MAML3: variants seen among roughly 807,000 people sequenced by gnomAD.
The protein encoded by MAML3 is mastermind-like protein 3.
A neutral mutation model predicts 101.9 loss-of-function variants in MAML3; 27 were observed. The observed-to-expected ratio is 0.27, with a 90% CI of 0.20 to 0.37. The LOEUF (loss-of-function observed/expected upper bound fraction) is 0.37. MAML3 is among the 10% of genes least tolerant of loss of function. MAML3 has a pLI of 1.00. For synonymous variants in MAML3, 501 were observed against 555.9 expected, an observed-to-expected ratio of 0.90 and a Z score of 1.39; for missense variants, 1,316 against 1,444.9, an observed-to-expected ratio of 0.91 and a Z score of 1.45.
At chr4:139,907,279 A>G (rs1232479340) in intron 1 of MAML3, among the ~76,000 whole-genome samples, 1 of 152,210 alleles carries the variant, frequency 6.6e-6, no homozygotes, top group African/African-American at 2.4e-5. Context: ...TTCCTCAATT[A>G]TAAAATGAGA....
intron 1 of MAML3, chr4:140,134,015 T>A (rs957193595): frequency 2.4e-6 from 1 of 420,818 alleles, no homozygotes; most frequent in Non-Finnish European, 4.8e-6. Flanking sequence ...TCCATACTCA[T>A]CCCTTCTGCC....
intron 1 of MAML3, among the ~76,000 whole-genome samples, chr4:139,908,170 T>C (rs1732854114): frequency 6.6e-6 from 1 of 152,256 alleles, no homozygotes; most frequent in Non-Finnish European, 1.5e-5. Context: ...GTATAATCTG[T>C]CTAGGTTTAC....
rs1203593609 is a variant in MAML3 at position 139,716,877 on chromosome 4, C to CAA, written c.*2444_*2445dup. 1 of 152,374 alleles carries CAA rather than the reference C, an allele frequency of 6.6e-6. No homozygotes were observed. The highest frequency in any genetic ancestry group is 2.4e-5 in the African/African-American group (1 of 41,358). 9.4% of individuals were successfully genotyped at this position (152,374 alleles called of 1,614,324 possible). ...AAGGAAATAAGCAATGCTCAATGTA[C>CAA]AAAGTAAAAACAGAAAACTAGAAAA... is the stretch of plus-strand genomic sequence containing the variant. On this transcript the variant is annotated 3_prime_UTR_variant, in exon 5 of 5. Coordinates refer to ENST00000509479, the MANE Select transcript of MAML3 (RefSeq NM_018717.5).
intron 1 of MAML3, among the ~76,000 whole-genome samples, chr4:139,943,864 C>CTTTTTTTTT (rs10644498): frequency 2.9e-4 from 19 of 65,860 alleles, no homozygotes; most frequent in African/African-American, 8.2e-4. Flanking sequence ...CTAAAGACAA[C>CTTTTTTTTT]TTTTTTTTTT....
At chr4:139,893,058 A>G (rs1271650091) in intron 1 of MAML3, among the ~76,000 whole-genome samples, 1 of 151,164 alleles carries the variant, frequency 6.6e-6, no homozygotes, top group Non-Finnish European at 1.5e-5. Context: ...CTTACCCTAC[A>G]TTTTCCATAA....
chr4:139,766,139 A>G (rs562236281), intron 2 of MAML3, among the ~76,000 whole-genome samples: 1 of 134,956 alleles, frequency 7.4e-6, no homozygotes, highest in Admixed American at 8.6e-5. Flanking sequence ...TTCGTAAGGC[A>G]CTACTCAGTT....
At chr4:140,151,201 A>AAGGGAGGAGGAAGGGGAG (rs1439459736) in intron 1 of MAML3, among the ~76,000 whole-genome samples, 1 of 151,370 alleles carries the variant, frequency 6.6e-6, no homozygotes, top group East Asian at 1.9e-4. Flanking sequence ...GAGGAGGAGG[A>AAGGGAGGAGGAAGGGGAG]AGGGAGGAGG....
intron 2 of MAML3, among the ~76,000 whole-genome samples, chr4:139,851,360 ACT>A (rs1731546157): frequency 6.6e-6 from 1 of 152,068 alleles, no homozygotes. Context: ...GCCTTTTAAG[ACT>A]CTTCAGAGGA....
intron 1 of MAML3, among the ~76,000 whole-genome samples, chr4:140,035,624 G>A (rs1051796225): frequency 6.6e-6 from 1 of 151,656 alleles, no homozygotes; most frequent in Non-Finnish European, 1.5e-5. Context: ...GTGAAAACCC[G>A]TCTACTAAAA....
intron 1 of MAML3, among the ~76,000 whole-genome samples, chr4:140,119,673 G>A (rs1728573837): frequency 8.3e-6 from 1 of 120,624 alleles, no homozygotes; most frequent in Admixed American, 1.1e-4. Flanking sequence ...AGGCTATACA[G>A]CACGGTGGCA....
At chr4:139,727,984 G>A (rs1300523170) in intron 3 of MAML3, among the ~76,000 whole-genome samples, 4 of 152,208 alleles carry the variant, frequency 2.6e-5, no homozygotes, top group Non-Finnish European at 4.4e-5. Context: ...GGGAGGCCGA[G>A]GCAGGCAGAT....
Position 140,089,479 on chromosome 4 carries a change from C to T in MAML3, c.468+63381G>A, listed in dbSNP as rs144721441. ...GGCAAGTCACTTCACCCTAGGATGT[C>T]TCTGTTTCTTCACCTGGGAAATGAG... On this transcript the variant is annotated intron_variant, in intron 1 of 4. Coordinates refer to ENST00000509479, the MANE Select transcript of MAML3 (RefSeq NM_018717.5). Among the ~76,000 whole-genome samples the T allele has an allele frequency of 5.5e-4, 84 of 152,298 alleles. No individual in the cohort carries two copies. The East Asian group carries it at 0.013, about 24-fold the overall frequency.
chr4:139,888,776 A>C (rs1732391757), intron 2 of MAML3, among the ~76,000 whole-genome samples: 1 of 152,256 alleles, frequency 6.6e-6, no homozygotes, highest in South Asian at 2.1e-4. Context: ...CCAGCTTCTA[A>C]CTGTTGCTAG....
At position 140,153,522 on chromosome 4, in the gene MAML3, T is replaced by G. The variant is rs1008987242; in HGVS notation, c.-195A>C. 3.5e-6 allele frequency: 2 copies of G among 574,482 alleles called. No homozygotes were observed. The highest frequency in any genetic ancestry group is 2.6e-5 in the South Asian group (1 of 38,280). 35.6% of individuals were successfully genotyped at this position (574,482 alleles called of 1,614,324 possible). On this transcript the variant is annotated 5_prime_UTR_variant, in exon 1 of 5. Coordinates refer to ENST00000509479, the MANE Select transcript of MAML3 (RefSeq NM_018717.5). ...TGGGGTGGTTTTTGTTTCCTTTTTTTAAACTGTAAAAGCTCAAGGGGAAGA... is the reference window on the plus strand; with the variant it reads ...TGGGGTGGTTTTTGTTTCCTTTTTTGAAACTGTAAAAGCTCAAGGGGAAGA...
chr4:139,850,701 C>T (rs982659657), intron 2 of MAML3, among the ~76,000 whole-genome samples: 3 of 151,810 alleles, frequency 2.0e-5, no homozygotes, highest in South Asian at 2.1e-4. Context: ...CCACGAAGCC[C>T]GGCTAATTTT....
At chr4:139,930,096 G>C (rs1412950326) in intron 1 of MAML3, among the ~76,000 whole-genome samples, 1 of 152,062 alleles carries the variant, frequency 6.6e-6, no homozygotes, top group East Asian at 1.9e-4. Flanking sequence ...CTGCTACAAC[G>C]GTTCCTAAAA....
intron 1 of MAML3, among the ~76,000 whole-genome samples, chr4:140,092,062 TTATATATATATACGTATATATATACGTA>T (rs36226951): frequency 0.31 from 43,131 of 138,986 alleles, 7,639 homozygotes; most frequent in Non-Finnish European, 0.4. Flanking sequence ...GATAAAAACT[TTATATATATATACGTATATATATACGTA>T]TATATATATA....
At position 139,723,922 on chromosome 4, in the gene MAML3, T is replaced by C. The variant is rs74501210; in HGVS notation, c.2416+1829A>G. 1.8e-3 allele frequency among the ~76,000 whole-genome samples: 280 copies of C among 152,356 alleles called. 2 individuals are homozygous for C. The East Asian group carries it at 0.039, about 21-fold the overall frequency. On this transcript the variant is annotated intron_variant, in intron 4 of 4. Coordinates refer to ENST00000509479, the MANE Select transcript of MAML3 (RefSeq NM_018717.5). ...TTTACTGAATCAGAAACACTGTGTATGTTTTAACAAGCTCCGCTGGTGCTT... is the reference window on the plus strand; with the variant it reads ...TTTACTGAATCAGAAACACTGTGTACGTTTTAACAAGCTCCGCTGGTGCTT...
At chr4:140,044,822 C>T (rs1238961400) in intron 1 of MAML3, among the ~76,000 whole-genome samples, 2 of 152,196 alleles carry the variant, frequency 1.3e-5, no homozygotes, top group Admixed American at 6.5e-5. Flanking sequence ...CCACCACAGA[C>T]ATATGAGAGT....
Sources: allele counts gnomAD v4.1 joint callset (sites outside exome capture counted in the v4.1 genomes callset), GRCh38; gene constraint gnomAD v4.1.1; transcripts MANE v1.5; gene names NCBI Gene and HGNC (gene_info 2026-07-23, HGNC 2026-07-21).